The following PTPN21 variants were observed in gnomAD, a reference collection of about 807,000 sequenced individuals.
PTPN21 encodes the protein protein tyrosine phosphatase non-receptor type 21, also known as tyrosine-protein phosphatase non-receptor type 21.
Under a neutral mutation model 131.8 loss-of-function variants are expected in PTPN21, and 77 were observed. That is an observed-to-expected ratio of 0.58 (90% CI 0.49 to 0.71). The LOEUF (loss-of-function observed/expected upper bound fraction) is 0.71. PTPN21 is among the 30% of genes least tolerant of loss of function. The probability of loss-of-function intolerance (pLI) is 0.00; values close to 1 mark genes in which losing one functional copy is unlikely to be tolerated. For synonymous variants in PTPN21, 715 were observed against 621.3 expected (o/e 1.15, Z -2.24); for missense variants, 1,552 against 1,527.1 (o/e 1.02, Z -0.27).
In PTPN21 at chr14:88,550,383, G is replaced by T. The variant is rs1281809334; in HGVS notation, c.35C>A (p.Thr12Asn). 1 of 1,614,078 alleles carries T rather than the reference G, an allele frequency of 6.2e-7. No homozygotes were observed. Among genetic ancestry groups the T allele is most frequent in the South Asian group, 1.1e-5 (1 of 91,072 alleles). Residue 12 changes from threonine to asparagine, a missense_variant, in exon 2 of 19, where the codon ACC becomes AAC. Transcript: ENST00000556564. The stretch of plus-strand genomic sequence containing the variant: ...CTTGCTGGACACCGTGTAGCGCCGG[G>T]TGCGTTTCAGTTTCAACCCAAATGG... The part of the protein sequence containing the change: ...PLPFGLKLKR[T>N]RRYTVSSKSC...
In PTPN21 at chr14:88,504,845, C is replaced by T. The variant is rs189727452; in HGVS notation, c.517-350G>A. ...ACTCAGAACAGCATACCACACCTTC[C>T]TTAGTTGTTGCAATGCAGTTTCCAT... On this transcript the variant is annotated intron_variant, in intron 5 of 18. Coordinates refer to ENST00000556564, the MANE Select transcript of PTPN21 (RefSeq NM_007039.4). Among the ~76,000 whole-genome samples the T allele has an allele frequency of 1.2e-3, 176 of 152,274 alleles. 4 individuals are homozygous for T. Among genetic ancestry groups the T allele is most frequent in the African/African-American group, 4.0e-3 (166 of 41,552 alleles).
At chr14:88,544,472 T>C (rs1566854293) in intron 2 of PTPN21, among the ~76,000 whole-genome samples, 2 of 152,208 alleles carry the variant, frequency 1.3e-5, no homozygotes, top group Non-Finnish European at 2.9e-5. Context: ...AGAACACTTA[T>C]TGAGAGTTTC....
chr14:88,471,922 GAAA>G (rs11456515), intron 15 of PTPN21, among the ~76,000 whole-genome samples: 2 of 141,984 alleles, frequency 1.4e-5, no homozygotes, highest in Non-Finnish European at 3.1e-5. Flanking sequence ...AAAGGCAAAA[GAAA>G]AAAAAAAAAG....
At chr14:88,473,881 C>A (rs1361987998) in intron 13 of PTPN21, 79 bp from the exon 14 acceptor site, 13 of 1,286,066 alleles carry the variant, frequency 1.0e-5, no homozygotes, top group African/African-American at 1.5e-5. Flanking sequence ...GCACTGAAGA[C>A]CAGGAACACA....
intron 2 of PTPN21, among the ~76,000 whole-genome samples, chr14:88,531,694 T>C (rs928576398): frequency 1.1e-4 from 17 of 152,022 alleles, no homozygotes; most frequent in Admixed American, 1.3e-4. Context: ...AGACAATCTA[T>C]GCTCACAACT....
At chr14:88,488,341 A>AGGCGAACACTGCTCACTGTAGT (rs1555384732) in intron 10 of PTPN21, among the ~76,000 whole-genome samples, 4 of 152,014 alleles carry the variant, frequency 2.6e-5, no homozygotes, top group African/African-American at 9.7e-5. Flanking sequence ...CCCAGTGTGG[A>AGGCGAACACTGCTCACTGTAGT]GGCGAACACT....
chr14:88,472,160 A>G, intron 15 of PTPN21, 84 bp downstream of exon 15: 2 of 786,566 alleles, frequency 2.5e-6, no homozygotes, highest in Non-Finnish European at 2.1e-6. Flanking sequence ...CTGAATTCTA[A>G]ACAGACATGA....
chr14:88,526,197 G>A lies in PTPN21; in HGVS notation c.181-8936C>T, dbSNP rs183312981. Among the ~76,000 whole-genome samples the A allele has an allele frequency of 1.1e-3, 173 of 152,158 alleles. 4 individuals carry two copies. Among genetic ancestry groups the A allele is most frequent in the African/African-American group, 4.0e-3 (164 of 41,508 alleles). On this transcript the variant is annotated intron_variant, in intron 2 of 18. Coordinates refer to ENST00000556564, the MANE Select transcript of PTPN21 (RefSeq NM_007039.4). The stretch of plus-strand genomic sequence containing the variant: ...AATTTCCTTTGGGGGTGATGAAAAT[G>A]TTTTAGAAATAGACAGTATTGTAAT...
chr14:88,532,461 C>A (rs552432149), intron 2 of PTPN21, among the ~76,000 whole-genome samples: 1 of 152,042 alleles, frequency 6.6e-6, no homozygotes, highest in South Asian at 2.1e-4. Context: ...GATTTTGTGC[C>A]GTTTGACAGT....
rs1282876304 is a variant in PTPN21, at chr14:88,467,556, A to G, written c.*581T>C. On this transcript the variant is annotated 3_prime_UTR_variant, in exon 19 of 19. Transcript: ENST00000556564. ...AATCCTTTTGATGTTTCAAAATAAC[A>G]CAGATTCTCAGTATAGTTTTCAGTT... 1 of 152,246 alleles carries G rather than the reference A, an allele frequency of 6.6e-6. No individual in the cohort carries two copies. The highest frequency in any genetic ancestry group is 2.4e-5 in the African/African-American group (1 of 41,458). 9.4% of individuals were successfully genotyped at this position (152,246 alleles called of 1,614,324 possible). A position where few individuals can be genotyped will look rare whatever the true frequency, so the allele number is the denominator to read the frequency against.
intron 13 of PTPN21, among the ~76,000 whole-genome samples, chr14:88,478,054 G>C (rs2077574174): frequency 6.6e-6 from 1 of 152,132 alleles, no homozygotes; most frequent in African/African-American, 2.4e-5. Flanking sequence ...ATGTGACCTT[G>C]GAAAAGTTAG....
At chr14:88,535,604 T>C (rs533848513) in intron 2 of PTPN21, among the ~76,000 whole-genome samples, 1 of 152,348 alleles carries the variant, frequency 6.6e-6, no homozygotes, top group East Asian at 1.9e-4. Flanking sequence ...CTCTTACCTT[T>C]GTCATGGTAC....
At chr14:88,535,628 A>G (rs1233311941) in intron 2 of PTPN21, among the ~76,000 whole-genome samples, 1 of 152,228 alleles carries the variant, frequency 6.6e-6, no homozygotes, top group East Asian at 1.9e-4. Flanking sequence ...TATTTAGCAG[A>G]TAGGATCTCT....
chr14:88,528,740 G>A (rs2078514824), intron 2 of PTPN21, among the ~76,000 whole-genome samples: 1 of 152,204 alleles, frequency 6.6e-6, no homozygotes, highest in Non-Finnish European at 1.5e-5. Flanking sequence ...CCATGATTGT[G>A]AGGCCTTCCC....
At chr14:88,468,564 G>C (rs948455370) in intron 18 of PTPN21, among the ~76,000 whole-genome samples, 1 of 152,152 alleles carries the variant, frequency 6.6e-6, no homozygotes, top group Admixed American at 6.6e-5. Context: ...CAAAAACATA[G>C]TGTGCTAAGT....
Position 88,479,546 on chromosome 14 carries a change from G to A in PTPN21, c.1885C>T (p.His629Tyr). ...EVSEPLTAAR[H>Y]AQLHKRNSIE... is the part of the protein sequence containing the mutation. ...CTGTTCCGTTTGTGCAGCTGCGCGT[G>A]GCGCGCGGCGGTGAGGGGCTCGCTG... The change falls in exon 13 of 19, where the codon CAC becomes TAC. Residue 629 changes from histidine to tyrosine, a missense_variant. Around this residue, in one of 4 missense-constraint regions of PTPN21, gnomAD observed 1,016 missense variants for 883.5 expected, o/e 1.15. Coordinates refer to ENST00000556564, the MANE Select transcript of PTPN21 (RefSeq NM_007039.4). 6.3e-7 allele frequency: 1 copy of A among 1,599,158 alleles called. No individual in the cohort carries two copies. The highest frequency in any genetic ancestry group is 8.5e-7 in the Non-Finnish European group (1 of 1,178,888).
intron 13 of PTPN21, among the ~76,000 whole-genome samples, chr14:88,474,713 G>A (rs1477634953): frequency 6.6e-6 from 1 of 152,142 alleles, no homozygotes; most frequent in Non-Finnish European, 1.5e-5. Context: ...CAGGAGGATA[G>A]GACAGAAGAG....
intron 2 of PTPN21, among the ~76,000 whole-genome samples, chr14:88,541,550 C>T (rs2139355399): frequency 6.6e-6 from 1 of 152,224 alleles, no homozygotes; most frequent in South Asian, 2.1e-4. Flanking sequence ...CATCACATAC[C>T]TGCTGCCTAG....
chr14:88,482,695 C>T (rs763502853), intron 12 of PTPN21, among the ~76,000 whole-genome samples: 1 of 151,972 alleles, frequency 6.6e-6, no homozygotes, highest in Non-Finnish European at 1.5e-5. Context: ...GAAAAAGCCA[C>T]AGGACAGACC....
Sources: gnomAD v4.1 joint callset for allele counts (sites outside exome capture counted in the v4.1 genomes callset) on GRCh38, gnomAD v4.1.1 for gene constraint, gnomAD v4.1.1 regional missense constraint, MANE v1.5 for transcripts, NCBI Gene and HGNC (gene_info 2026-07-23, HGNC 2026-07-21) for gene names.